MDN1: variants seen among roughly 807,000 people sequenced by gnomAD.
MDN1 encodes midasin AAA ATPase 1, also known as midasin.
Under a neutral mutation model 669.2 loss-of-function variants are expected in MDN1, and 266 were observed. The observed-to-expected ratio is 0.40, with a 90% CI of 0.36 to 0.44. The LOEUF (loss-of-function observed/expected upper bound fraction) is 0.44. Ranked by LOEUF, MDN1 falls within the 20% of genes least tolerant of loss-of-function variation. The pLI, the probability that MDN1 is intolerant of heterozygous loss-of-function variation, is 1.00. For synonymous variants in MDN1, 2,385 were observed against 2,457.1 expected (o/e 0.97, Z 0.87); for missense variants, 5,940 against 6,754.0 (o/e 0.88, Z 4.22).
At chr6:89,750,647 G>T in intron 23 of MDN1, 115 bp from the exon 24 acceptor site, 1 of 1,041,280 alleles carries the variant, frequency 9.6e-7, no homozygotes, top group Non-Finnish European at 1.4e-6. Flanking sequence ...CTGTTGCCCA[G>T]GCTGAAGTAT....
At chr6:89,781,263 G>T (rs1317205972) in intron 10 of MDN1, 136 bp downstream of exon 10, 1 of 763,340 alleles carries the variant, frequency 1.3e-6, no homozygotes, top group South Asian at 1.6e-5. Context: ...TAGCTGGTAA[G>T]AACTTTGAAC....
At chr6:89,701,338 C>T (rs1338866936) in intron 55 of MDN1, among the ~76,000 whole-genome samples, 1 of 152,222 alleles carries the variant, frequency 6.6e-6, no homozygotes, top group Non-Finnish European at 1.5e-5. Flanking sequence ...AGGTTATATA[C>T]ACACACAACG....
chr6:89,808,263 G>A (rs1768143008), intron 1 of MDN1, among the ~76,000 whole-genome samples: 4 of 152,062 alleles, frequency 2.6e-5, no homozygotes, highest in Admixed American at 2.6e-4. Flanking sequence ...TTAATCGGAT[G>A]CTGAACGTTG....
chr6:89,744,040 T>C (rs557816251), intron 29 of MDN1, among the ~76,000 whole-genome samples: 20 of 139,132 alleles, frequency 1.4e-4, no homozygotes, highest in Non-Finnish European at 2.3e-4. Flanking sequence ...GAGGCGGAGG[T>C]TGTGGTGAGC....
rs1044317530 is a variant in MDN1, at chr6:89,645,259, A to G, written c.16460-102T>C. 1.2e-5 allele frequency: 16 copies of G among 1,312,474 alleles called. No homozygotes were observed. In the South Asian group the frequency reaches 2.1e-4, roughly 17 times the overall value. The allele number at this position is 1,312,474 out of a possible 1,614,324, so 81.3% of individuals were successfully genotyped here. On this transcript the variant is annotated intron_variant, in intron 100 of 101. Transcript: ENST00000369393. ...ACAAATTAGTGTAGGCTTTCTCTGT[A>G]CTATTAAAGCTAAACAGACCTCTAA...
intron 43 of MDN1, among the ~76,000 whole-genome samples, 200 bp downstream of exon 43, chr6:89,718,166 T>C (rs1196786930): frequency 6.6e-6 from 1 of 152,254 alleles, no homozygotes; most frequent in African/African-American, 2.4e-5. Context: ...AACCAATTTT[T>C]TTCCTATTTG....
At chr6:89,733,632 C>CAAA (rs200834077) in intron 33 of MDN1, among the ~76,000 whole-genome samples, 1 of 122,988 alleles carries the variant, frequency 8.1e-6, no homozygotes, top group Non-Finnish European at 1.8e-5. Flanking sequence ...ATACTGATTA[C>CAAA]AAAAAAAAAA....
At chr6:89,744,221 T>C (rs549945131) in intron 29 of MDN1, among the ~76,000 whole-genome samples, 6 of 149,512 alleles carry the variant, frequency 4.0e-5, no homozygotes, top group African/African-American at 1.5e-4. Flanking sequence ...TACACACGTA[T>C]AGAATGAATC....
At chr6:89,788,669 A>G (rs1358242483) in intron 7 of MDN1, among the ~76,000 whole-genome samples, 1 of 152,204 alleles carries the variant, frequency 6.6e-6, no homozygotes, top group Non-Finnish European at 1.5e-5. Context: ...AAGAAAAGAA[A>G]TAATTCCATT....
rs11358713 is a variant in MDN1, at chr6:89,743,773, ACC to A, written c.4179-61_4179-60del. 9.1e-6 allele frequency: 14 copies of A among 1,530,086 alleles called. No individual in the cohort carries two copies. The East Asian group carries it at 1.8e-4, about 20-fold the overall frequency. 94.8% of individuals were successfully genotyped at this position (1,530,086 alleles called of 1,614,324 possible). ...GTGTTTCAAATACACATCCATAAAC[ACC>A]CCCCCTCAGCAAAAGAGAAGAACCA... On this transcript the variant is annotated intron_variant, in intron 29 of 101. Transcript: ENST00000369393.
At chr6:89,788,110 C>G (rs368453291) in intron 7 of MDN1, among the ~76,000 whole-genome samples, 153 bp from the exon 8 acceptor site, 15 of 152,186 alleles carry the variant, frequency 9.9e-5, no homozygotes, top group African/African-American at 3.6e-4. Context: ...CAGGTGGGAA[C>G]GTCTGAATCA....
intron 11 of MDN1, among the ~76,000 whole-genome samples, chr6:89,777,065 C>G (rs1818393024): frequency 6.6e-6 from 1 of 152,146 alleles, no homozygotes; most frequent in South Asian, 2.1e-4. Flanking sequence ...AGACTGCTTT[C>G]TAACTGCAAG....
At chr6:89,661,603 G>A in intron 87 of MDN1, 25 bp from the exon 88 acceptor site, 1 of 1,581,914 alleles carries the variant, frequency 6.3e-7, no homozygotes, top group East Asian at 2.2e-5. Context: ...AGACAACAGG[G>A]ATAAAATAAA....
chr6:89,700,548 C>T, intron 56 of MDN1, 98 bp downstream of exon 56: 1 of 1,222,388 alleles, frequency 8.2e-7, no homozygotes, highest in Non-Finnish European at 1.2e-6. Flanking sequence ...CCCCTCACAT[C>T]ACCCAGAAAA....
chr6:89,776,307 C>T (rs754343613), intron 12 of MDN1, among the ~76,000 whole-genome samples: 9 of 151,924 alleles, frequency 5.9e-5, no homozygotes, highest in South Asian at 2.1e-4. Flanking sequence ...ACTAAAAATA[C>T]GAAATTAGCT....
chr6:89,702,940 T>C (rs752507307), intron 53 of MDN1, among the ~76,000 whole-genome samples: 7,089 of 72,810 alleles, frequency 0.097, 538 homozygotes, highest in African/African-American at 0.27. Flanking sequence ...TAAAGGCCCT[T>C]TTTTTTTTTT....
rs764595267 is a variant in MDN1, at chr6:89,762,356, C to T, written c.2319G>A (p.Lys773=). The T allele has an allele frequency of 2.5e-6, 4 of 1,614,170 alleles. No individual in the cohort carries two copies. In the South Asian group the frequency reaches 3.3e-5, roughly 13 times the overall value. The change falls in exon 16 of 102, where the codon AAG becomes AAA. Residue 773 remains lysine, a synonymous_variant. Coordinates refer to ENST00000369393, the MANE Select transcript of MDN1 (RefSeq NM_014611.3). ...DLLRLMQHVH[K]SAVNKDGKDS... is the part of the protein sequence containing the mutation. ...CTTTTCCATCCTTGTTAACAGCAGA[C>T]TTGTGTACATGCTGCATTAGTCTCA...
chr6:89,739,935 C>T (rs1816194603), intron 32 of MDN1, among the ~76,000 whole-genome samples: 1 of 152,182 alleles, frequency 6.6e-6, no homozygotes, highest in African/African-American at 2.4e-5. Flanking sequence ...ACAATAATAA[C>T]TTTCTTGCAG....
intron 59 of MDN1, among the ~76,000 whole-genome samples, chr6:89,698,274 T>C (rs891975280): frequency 1.3e-5 from 2 of 152,222 alleles, no homozygotes; most frequent in African/African-American, 4.8e-5. Flanking sequence ...AACTTATGCA[T>C]AGAAATGCTC....
Sources: allele counts gnomAD v4.1 joint callset (sites outside exome capture counted in the v4.1 genomes callset), GRCh38; gene constraint gnomAD v4.1.1; transcripts MANE v1.5; gene names NCBI Gene and HGNC (gene_info 2026-07-23, HGNC 2026-07-21).